WDR41: variants seen among roughly 807,000 people sequenced by gnomAD.
The protein encoded by WDR41 is WD repeat domain 41.
WDR41 carries 63 observed loss-of-function variants against 69.3 expected under a neutral mutation model. That is an observed-to-expected ratio of 0.91 (90% CI 0.74 to 1.12). The LOEUF is 1.12. WDR41 is among the 50% of genes most tolerant of loss of function. The pLI is 0.00. For synonymous variants in WDR41, 185 were observed against 192.1 expected (o/e 0.96, Z 0.31); for missense variants, 543 against 534.5 (o/e 1.02, Z -0.16).
chr5:77,541,319 A>T (rs541838365), intron 1 of WDR41, among the ~76,000 whole-genome samples: 6 of 152,144 alleles, frequency 3.9e-5, no homozygotes, highest in Admixed American at 1.3e-4. Flanking sequence ...TTCTCAAAAG[A>T]AGACATACAT....
intron 1 of WDR41, among the ~76,000 whole-genome samples, chr5:77,595,956 T>G (rs1177324784): frequency 6.6e-6 from 1 of 152,150 alleles, no homozygotes; most frequent in Admixed American, 6.5e-5. Context: ...TTTATGAAAT[T>G]TGGGAATCCA....
chr5:77,548,947 T>C (rs1347606308), intron 1 of WDR41, among the ~76,000 whole-genome samples: 1 of 152,178 alleles, frequency 6.6e-6, no homozygotes, highest in Non-Finnish European at 1.5e-5. Context: ...GGAATACTAC[T>C]CAGCCATAAA....
intron 8 of WDR41, among the ~76,000 whole-genome samples, chr5:77,448,855 G>A (rs1180168601): frequency 7.1e-6 from 1 of 140,412 alleles, no homozygotes; most frequent in Non-Finnish European, 1.5e-5. Context: ...GCAACACAGG[G>A]AGACTCCATC....
chr5:77,568,636 G>T (rs961366666), intron 1 of WDR41, among the ~76,000 whole-genome samples: 2 of 152,110 alleles, frequency 1.3e-5, no homozygotes, highest in African/African-American at 4.8e-5. Flanking sequence ...GGGTCTTTGT[G>T]ATGACTAAAC....
intron 12 of WDR41, among the ~76,000 whole-genome samples, chr5:77,433,622 T>A (rs1244424069): frequency 6.6e-6 from 1 of 152,202 alleles, no homozygotes; most frequent in African/African-American, 2.4e-5. Flanking sequence ...GGAAAAAATG[T>A]CTGAATTCTA....
chr5:77,532,073 C>G (rs1394919033), intron 1 of WDR41, among the ~76,000 whole-genome samples: 2 of 151,940 alleles, frequency 1.3e-5, no homozygotes, highest in African/African-American at 4.8e-5. Context: ...GTGAATGTCA[C>G]TTTATTGTTC....
At chr5:77,554,752 G>A (rs1743360501) in intron 1 of WDR41, among the ~76,000 whole-genome samples, 1 of 149,606 alleles carries the variant, frequency 6.7e-6, no homozygotes, top group African/African-American at 2.5e-5. Context: ...GCAACAGGAA[G>A]GATCCTTGTT....
chr5:77,435,852 A>G (rs574094561), intron 12 of WDR41, among the ~76,000 whole-genome samples: 4 of 152,372 alleles, frequency 2.6e-5, no homozygotes, highest in African/African-American at 9.6e-5. Context: ...CAAAGGCAGG[A>G]GAAACAGGAC....
chr5:77,446,367 C>T (rs1799379354), intron 8 of WDR41, among the ~76,000 whole-genome samples: 1 of 152,088 alleles, frequency 6.6e-6, no homozygotes. Flanking sequence ...TTTACAGATT[C>T]AATGCTATTC....
At chr5:77,449,984 AC>A in intron 7 of WDR41, 114 bp from the exon 8 acceptor site, 1 of 685,674 alleles carries the variant, frequency 1.5e-6, no homozygotes, top group South Asian at 2.0e-5. Flanking sequence ...ATACTGAAAA[AC>A]CCATCTCCAA....
chr5:77,542,895 T>A (rs547539068), intron 1 of WDR41, among the ~76,000 whole-genome samples: 111 of 152,218 alleles, frequency 7.3e-4, no homozygotes, highest in African/African-American at 2.6e-3. Context: ...TGGAAGTGGA[T>A]TGCTTTTGCA....
chr5:77,490,017 A>G (rs163024), intron 1 of WDR41, among the ~76,000 whole-genome samples: 74,099 of 152,056 alleles, frequency 0.49, 18,553 homozygotes, highest in African/African-American at 0.59. Context: ...AGCACTCAAT[A>G]CATGCTTGCT....
At chr5:77,521,329 AG>A (rs1802368105) in intron 1 of WDR41, among the ~76,000 whole-genome samples, 1 of 152,228 alleles carries the variant, frequency 6.6e-6, no homozygotes, top group Admixed American at 6.5e-5. Flanking sequence ...ATCTGACAGG[AG>A]GCGGAGCTCA....
chr5:77,513,774 C>T (rs1802245377), intron 1 of WDR41, among the ~76,000 whole-genome samples: 1 of 152,012 alleles, frequency 6.6e-6, no homozygotes, highest in African/African-American at 2.4e-5. Flanking sequence ...GTTCATGAGC[C>T]CAACTTATTT....
intron 2 of WDR41, among the ~76,000 whole-genome samples, chr5:77,470,092 C>T (rs1013983228): frequency 1.3e-5 from 2 of 151,386 alleles, no homozygotes; most frequent in South Asian, 4.1e-4. Context: ...GGCAGAAACT[C>T]TACAAGCCAG....
At chr5:77,530,565 T>C (rs940115388) in intron 1 of WDR41, among the ~76,000 whole-genome samples, 1 of 151,662 alleles carries the variant, frequency 6.6e-6, no homozygotes, top group African/African-American at 2.4e-5. Flanking sequence ...TAGGCAAAAC[T>C]AATCTATAGT....
At position 77,586,694 on chromosome 5, in the gene WDR41, A is replaced by AT. The variant is rs1201172538; in HGVS notation, c.42+33784dup. Among the ~76,000 whole-genome samples the AT allele has an allele frequency of 2.4e-3, 327 of 137,166 alleles. 1 individual carries two copies. The highest frequency in any genetic ancestry group is 6.3e-3 in the African/African-American group (235 of 37,322). The allele number at this position is 137,166 out of a possible 152,430, so 90.0% of individuals were successfully genotyped here. On this transcript the variant is annotated intron_variant, in intron 1 of 5. Transcript: ENST00000509971. ...TATTTTGAAACATGCATGAAATCAA[A>AT]TTTTTTTTTTTTTACTATTATCTAA...
rs1007411803 is a variant in WDR41 at position 77,431,381 on chromosome 5, G to C, written c.*1754C>G. ...ATTGTTAGCATTTTTTAGCAATAAA[G>C]TATTCTTAAGGTATGTACATTTTTT... On this transcript the variant is annotated 3_prime_UTR_variant, in exon 13 of 13. Transcript: ENST00000296679. The C allele has an allele frequency of 6.6e-6, 1 of 152,164 alleles. No individual in the cohort carries two copies. Among genetic ancestry groups the C allele is most frequent in the Non-Finnish European group, 1.5e-5 (1 of 68,044 alleles). The allele number at this position is 152,164 out of a possible 1,614,324, so 9.4% of individuals were successfully genotyped here.
Position 77,463,528 on chromosome 5 carries a change from TA to T in WDR41, c.217-303del, listed in dbSNP as rs767871169. On this transcript the variant is annotated intron_variant, in intron 3 of 12. Transcript: ENST00000296679. Reference sequence around the variant, plus strand: ...TGTAAATTAAGCATAAAAACATCAGTAACTTAGTTTGCAGGAAAAAAATATG... The same window carrying T: ...TGTAAATTAAGCATAAAAACATCAGTACTTAGTTTGCAGGAAAAAAATATG... Among the ~76,000 whole-genome samples, 6 of 152,278 alleles carry T rather than the reference TA, an allele frequency of 3.9e-5. 1 individual carries two copies. The highest frequency in any genetic ancestry group is 6.5e-5 in the Admixed American group (1 of 15,296).
Sources: allele counts gnomAD v4.1 joint callset (sites outside exome capture counted in the v4.1 genomes callset), GRCh38; gene constraint gnomAD v4.1.1; transcripts MANE v1.5; gene names NCBI Gene and HGNC (gene_info 2026-07-23, HGNC 2026-07-21).